The following ZNF782 variants were observed in gnomAD, a reference collection of about 807,000 sequenced individuals.
ZNF782 encodes the protein zinc finger protein 782.
A neutral mutation model predicts 13.0 loss-of-function variants in ZNF782; 12 were observed. That is an observed-to-expected ratio of 0.92 (90% CI 0.59 to 1.50). The LOEUF is 1.50. Among genes scored for constraint, ZNF782 ranks in the 40% most tolerant of loss-of-function variants. The pLI is 0.00. For synonymous variants in ZNF782, 284 were observed against 283.0 expected, an observed-to-expected ratio of 1.00 and a Z score of -0.04; for missense variants, 770 against 822.9, an observed-to-expected ratio of 0.94 and a Z score of 0.79.
intron 1 of ZNF782, among the ~76,000 whole-genome samples, chr9:96,869,415 AT>A (rs1851798527): frequency 1.3e-5 from 2 of 152,098 alleles, no homozygotes; most frequent in Admixed American, 1.3e-4. Context: ...ATTCTTTACT[AT>A]TTGTTATCAT....
chr9:96,912,369 A>G, the ZNF782 span, among the ~76,000 whole-genome samples: 2 of 148,900 alleles, frequency 1.3e-5, no homozygotes, highest in Non-Finnish European at 3.0e-5. Flanking sequence ...TACTAAAAAT[A>G]CAAAAAATTG....
the ZNF782 span, among the ~76,000 whole-genome samples, chr9:96,908,135 C>T: frequency 6.6e-6 from 1 of 151,856 alleles, no homozygotes; most frequent in East Asian, 1.9e-4. Flanking sequence ...GTGCCCAGGC[C>T]AGTGCCTAAC....
intron 1 of ZNF782, among the ~76,000 whole-genome samples, chr9:96,867,554 C>T (rs762457165): frequency 4.6e-5 from 7 of 152,212 alleles, no homozygotes; most frequent in Non-Finnish European, 1.0e-4. Flanking sequence ...TACCAAAAGG[C>T]ATATCATAAA....
At chr9:96,833,353 A>T (rs1850868054) in intron 4 of ZNF782, among the ~76,000 whole-genome samples, 2 of 152,160 alleles carry the variant, frequency 1.3e-5, no homozygotes, top group Admixed American at 1.3e-4. Flanking sequence ...TTCATCCAAG[A>T]TCCCACATTA....
At chr9:96,853,633 C>T (rs1475173649) in intron 1 of ZNF782, among the ~76,000 whole-genome samples, 2 of 152,212 alleles carry the variant, frequency 1.3e-5, no homozygotes, top group Non-Finnish European at 2.9e-5. Context: ...ATCCAGACTA[C>T]ATTTGACACA....
At chr9:96,823,473 T>G (rs913791623) in intron 5 of ZNF782, among the ~76,000 whole-genome samples, 1 of 152,194 alleles carries the variant, frequency 6.6e-6, no homozygotes, top group Admixed American at 6.5e-5. Context: ...TTTAAAGTTC[T>G]CTACTTTTAA....
chr9:96,862,356 A>G (rs1851710851), intron 1 of ZNF782, among the ~76,000 whole-genome samples: 1 of 152,260 alleles, frequency 6.6e-6, no homozygotes, highest in Non-Finnish European at 1.5e-5. Flanking sequence ...CGTACATTTT[A>G]TAGTGCCTAA....
chr9:96,906,324 T>C, the ZNF782 span, among the ~76,000 whole-genome samples: 1 of 148,252 alleles, frequency 6.7e-6, no homozygotes, highest in Non-Finnish European at 1.5e-5. Context: ...CAACTGGGTG[T>C]CCTCTAATTC....
At chr9:96,824,219 C>T (rs1309922566) in intron 5 of ZNF782, among the ~76,000 whole-genome samples, 4 of 150,802 alleles carry the variant, frequency 2.7e-5, no homozygotes, top group Non-Finnish European at 5.9e-5. Flanking sequence ...ATCAAGTGGG[C>T]TTCATCCCTG....
chr9:96,841,383 T>C (rs1300803119), intron 4 of ZNF782, among the ~76,000 whole-genome samples: 1 of 151,986 alleles, frequency 6.6e-6, no homozygotes, highest in Non-Finnish European at 1.5e-5. Flanking sequence ...TTCCAACTAA[T>C]TTTATGAGGC....
the ZNF782 span, among the ~76,000 whole-genome samples, chr9:96,898,405 T>C: frequency 6.8e-6 from 1 of 147,878 alleles, no homozygotes; most frequent in African/African-American, 2.6e-5. Context: ...TACCACAACA[T>C]ATGACCTTCA....
the ZNF782 span, among the ~76,000 whole-genome samples, chr9:96,915,309 G>T: frequency 6.6e-6 from 1 of 151,988 alleles, no homozygotes. Flanking sequence ...GAAAATTAAG[G>T]TAAATAGCAT....
intron 4 of ZNF782, among the ~76,000 whole-genome samples, chr9:96,834,266 G>A (rs1445240889): frequency 1.3e-5 from 2 of 152,166 alleles, no homozygotes; most frequent in African/African-American, 4.8e-5. Flanking sequence ...GTGAGCTGAT[G>A]GTTTTATAAT....
chr9:96,910,155 C>A, the ZNF782 span: 45 of 830,422 alleles, frequency 5.4e-5, 1 homozygote, highest in South Asian at 5.7e-4. Context: ...GTGAAAGAGG[C>A]GGAAAATGGA....
chr9:96,893,775 T>A, the ZNF782 span: 1 of 145,308 alleles, frequency 6.9e-6, no homozygotes, highest in Non-Finnish European at 1.5e-5. Context: ...CCGAGGTGGG[T>A]GGATCACGAG....
chr9:96,910,146 T>G, the ZNF782 span: 4 of 814,496 alleles, frequency 4.9e-6, no homozygotes, highest in South Asian at 3.9e-5. Flanking sequence ...AAGGAAGTTG[T>G]GAAAGAGGCG....
intron 1 of ZNF782, among the ~76,000 whole-genome samples, chr9:96,867,203 C>T (rs1371410015): frequency 2.6e-5 from 4 of 152,090 alleles, no homozygotes; most frequent in African/African-American, 4.8e-5. Context: ...TGAATTTCCA[C>T]GTGTTGTGGG....
intron 4 of ZNF782, among the ~76,000 whole-genome samples, chr9:96,836,416 G>A (rs1216783744): frequency 6.6e-6 from 1 of 151,998 alleles, no homozygotes; most frequent in Non-Finnish European, 1.5e-5. Flanking sequence ...CACTATGTTG[G>A]TCTTGAACTC....
chr9:96,818,464 C>T lies in ZNF782; in HGVS notation c.1559G>A (p.Gly520Asp), dbSNP rs368495403. ...GTGTGTTCTATGATGTTTCCTCAGGCCTGACTTCAGTTTGAAAGCTTTCCC... is the reference window on the plus strand; with the variant it reads ...GTGTGTTCTATGATGTTTCCTCAGGTCTGACTTCAGTTTGAAAGCTTTCCC... Reference protein sequence around the residue: ...ECGKAFKLKSGLRKHHRTHTG... With the variant: ...ECGKAFKLKSDLRKHHRTHTG... The change falls in exon 6 of 6, where the codon GGC becomes GAC. Residue 520 changes from glycine to aspartate, a missense_variant. Transcript: ENST00000481138. 1.9e-6 allele frequency: 3 copies of T among 1,613,258 alleles called. No individual in the cohort carries two copies. In the African/African-American group the frequency reaches 4.0e-5, roughly 22 times the overall value.
Sources: allele counts gnomAD v4.1 joint callset (sites outside exome capture counted in the v4.1 genomes callset), GRCh38; gene constraint gnomAD v4.1.1; transcripts MANE v1.5; gene names NCBI Gene and HGNC (gene_info 2026-07-23, HGNC 2026-07-21).